TRAF5: variants seen among roughly 807,000 people sequenced by gnomAD.
The protein encoded by TRAF5 is TNF receptor-associated factor 5.
Under a neutral mutation model 64.5 loss-of-function variants are expected in TRAF5, and 48 were observed. That is an observed-to-expected ratio of 0.74 (90% CI 0.59 to 0.95). The LOEUF (loss-of-function observed/expected upper bound fraction) is 0.95. TRAF5 is among the 40% of genes least tolerant of loss of function. The pLI is 0.00. For synonymous variants in TRAF5, 206 were observed against 240.5 expected, an observed-to-expected ratio of 0.86 and a Z score of 1.33; for missense variants, 545 against 662.8, an observed-to-expected ratio of 0.82 and a Z score of 1.95.
chr1:211,360,923 CT>C, intron 6 of TRAF5, 144 bp downstream of exon 6: 1 of 1,002,252 alleles, frequency 1.0e-6, no homozygotes, highest in East Asian at 2.5e-5. Flanking sequence ...CTTCCCTTCT[CT>C]TTTTCCTGCG....
At chr1:211,340,534 G>A (rs1295490855) in intron 1 of TRAF5, among the ~76,000 whole-genome samples, 5 of 152,110 alleles carry the variant, frequency 3.3e-5, no homozygotes, top group East Asian at 1.9e-4. Context: ...CACCCACCTC[G>A]GCCTCCCAAA....
intron 1 of TRAF5, among the ~76,000 whole-genome samples, chr1:211,330,465 C>T (rs989834169): frequency 5.9e-5 from 9 of 152,060 alleles, no homozygotes; most frequent in Admixed American, 4.6e-4. Flanking sequence ...CTCTCCTCCT[C>T]CCTCTGAGGC....
chr1:211,341,171 TGAG>T (rs1270643018), intron 1 of TRAF5, among the ~76,000 whole-genome samples: 1 of 151,790 alleles, frequency 6.6e-6, no homozygotes, highest in Non-Finnish European at 1.5e-5. Flanking sequence ...GCCTTTCCAA[TGAG>T]GAGAAGTTCT....
Position 211,354,446 on chromosome 1 carries a change from A to G in TRAF5, c.255A>G (p.Lys85=), listed in dbSNP as rs1203951883. ...CAGTGCCAATCTGCCCTGTAGATAAAGAGGTCATCAAATCTCAGGAGGTAA... is the reference window on the plus strand; with the variant it reads ...CAGTGCCAATCTGCCCTGTAGATAAGGAGGTCATCAAATCTCAGGAGGTAA... The part of the protein sequence containing the change: ...LNTVPICPVD[K]EVIKSQEVFK... The change falls in exon 3 of 11, where the codon AAA becomes AAG. Residue 85 remains lysine, a synonymous_variant. Transcript: ENST00000261464. The G allele has an allele frequency of 6.2e-7, 1 of 1,614,180 alleles. No homozygotes were observed.
intron 4 of TRAF5, chr1:211,356,683 G>A (rs1004276843): frequency 2.1e-6 from 1 of 478,684 alleles, no homozygotes; most frequent in Admixed American, 3.5e-5. Flanking sequence ...GGAGCGCATG[G>A]AGGACATCTT....
chr1:211,330,519 C>A (rs938883616), intron 1 of TRAF5, among the ~76,000 whole-genome samples: 2 of 152,122 alleles, frequency 1.3e-5, no homozygotes, highest in East Asian at 1.9e-4. Context: ...TTCCCTCCCC[C>A]ACAAGCTGAG....
chr1:211,346,995 G>C (rs1174954221), intron 1 of TRAF5, among the ~76,000 whole-genome samples: 1 of 152,174 alleles, frequency 6.6e-6, no homozygotes, highest in African/African-American at 2.4e-5. Flanking sequence ...TCTTCAGTAG[G>C]AGTACCACAC....
At chr1:211,349,233 T>C (rs893618879) in intron 1 of TRAF5, among the ~76,000 whole-genome samples, 8 of 151,998 alleles carry the variant, frequency 5.3e-5, no homozygotes, top group African/African-American at 1.9e-4. Context: ...AACAAGAGTG[T>C]TATCTTAGTC....
At chr1:211,332,395 C>CTAA (rs1339369807) in intron 1 of TRAF5, among the ~76,000 whole-genome samples, 1 of 152,166 alleles carries the variant, frequency 6.6e-6, no homozygotes, top group Admixed American at 6.5e-5. Context: ...TTCTCCTGTA[C>CTAA]TAAGGCGTAT....
intron 7 of TRAF5, among the ~76,000 whole-genome samples, chr1:211,362,017 A>G (rs956948426): frequency 8.6e-5 from 13 of 151,612 alleles, no homozygotes; most frequent in Non-Finnish European, 1.8e-4. Flanking sequence ...TTTTGATTCC[A>G]TTGCCTCCAC....
intron 9 of TRAF5, among the ~76,000 whole-genome samples, chr1:211,369,964 C>T (rs1703471588): frequency 6.6e-6 from 1 of 152,174 alleles, no homozygotes; most frequent in South Asian, 2.1e-4. Flanking sequence ...TCTTCTTTTA[C>T]ACAACCCCAG....
chr1:211,345,671 A>G (rs1281997070), intron 1 of TRAF5, among the ~76,000 whole-genome samples: 1 of 152,234 alleles, frequency 6.6e-6, no homozygotes, highest in Non-Finnish European at 1.5e-5. Flanking sequence ...AGTGGGTATT[A>G]GGCAGTTGAC....
At chr1:211,339,867 TC>T (rs1479243465) in intron 1 of TRAF5, among the ~76,000 whole-genome samples, 2 of 152,206 alleles carry the variant, frequency 1.3e-5, no homozygotes, top group Non-Finnish European at 2.9e-5. Flanking sequence ...GCCACAGTCC[TC>T]CCAGCTCTGG....
chr1:211,362,128 G>T (rs1703206558), intron 7 of TRAF5, among the ~76,000 whole-genome samples: 1 of 151,976 alleles, frequency 6.6e-6, no homozygotes. Context: ...AAACAAAATG[G>T]ACTTAAAATC....
chr1:211,353,841 T>C (rs1213221849), intron 2 of TRAF5, among the ~76,000 whole-genome samples: 1 of 152,158 alleles, frequency 6.6e-6, no homozygotes, highest in East Asian at 1.9e-4. Flanking sequence ...CTTGCTGCCA[T>C]GGATGCTGTC....
intron 7 of TRAF5, 69 bp from the exon 8 acceptor site, chr1:211,365,307 A>G (rs1703314443): frequency 1.5e-6 from 2 of 1,300,252 alleles, no homozygotes; most frequent in African/African-American, 3.0e-5. Flanking sequence ...TTTTAGCAGA[A>G]TATCCTACCA....
chr1:211,366,448 G>T (rs929693226), intron 8 of TRAF5, among the ~76,000 whole-genome samples: 1 of 152,192 alleles, frequency 6.6e-6, no homozygotes, highest in African/African-American at 2.4e-5. Flanking sequence ...AGCCAAGGAA[G>T]ATGTAGCCTC....
intron 1 of TRAF5, among the ~76,000 whole-genome samples, chr1:211,351,863 G>A (rs544260437): frequency 2.0e-5 from 3 of 152,138 alleles, no homozygotes; most frequent in African/African-American, 7.2e-5. Flanking sequence ...CTTGATTACT[G>A]TAGCTTTATA....
chr1:211,328,841 C>T (rs977569513), intron 1 of TRAF5, among the ~76,000 whole-genome samples: 5 of 152,230 alleles, frequency 3.3e-5, no homozygotes, highest in South Asian at 2.1e-4. Context: ...TCCTCCATGA[C>T]GCCCTCATGA....
Sources: allele counts gnomAD v4.1 joint callset (sites outside exome capture counted in the v4.1 genomes callset), GRCh38; gene constraint gnomAD v4.1.1; transcripts MANE v1.5; gene names NCBI Gene and HGNC (gene_info 2026-07-23, HGNC 2026-07-21).